The following TP63 variants were observed in gnomAD, a reference collection of about 807,000 sequenced individuals.
TP63 encodes the protein tumor protein 63.
A neutral mutation model predicts 82.8 loss-of-function variants in TP63; 17 were observed. That is an observed-to-expected ratio of 0.21 (90% confidence interval 0.14 to 0.31). The LOEUF is 0.31. TP63 is among the 10% of genes least tolerant of loss of function. The probability of loss-of-function intolerance (pLI) is 1.00; values close to 1 mark genes in which losing one functional copy is unlikely to be tolerated. For missense variants in TP63, 648 were observed against 895.3 expected (o/e 0.72, Z 3.52); for synonymous variants, 330 against 321.7 (o/e 1.03, Z -0.28).
At chr3:189,662,367 G>A (rs951080713) in intron 1 of TP63, among the ~76,000 whole-genome samples, 5 of 151,930 alleles carry the variant, frequency 3.3e-5, no homozygotes, top group Admixed American at 2.6e-4. Flanking sequence ...CATGTAAATT[G>A]CCTAGTTTTG....
chr3:189,726,861 A>G (rs1373163523), intron 1 of TP63, among the ~76,000 whole-genome samples: 1 of 152,238 alleles, frequency 6.6e-6, no homozygotes, highest in Non-Finnish European at 1.5e-5. Context: ...AAGGTCTTTT[A>G]TGTACATCAG....
intron 4 of TP63, among the ~76,000 whole-genome samples, chr3:189,847,394 A>T (rs955862990): frequency 2.0e-5 from 3 of 152,206 alleles, no homozygotes; most frequent in African/African-American, 7.2e-5. Flanking sequence ...CATCATCATT[A>T]TCATCAAATG....
At chr3:189,717,021 C>T (rs951480539) in intron 1 of TP63, among the ~76,000 whole-genome samples, 7 of 152,212 alleles carry the variant, frequency 4.6e-5, no homozygotes, top group African/African-American at 1.7e-4. Context: ...TGGTCTAGAA[C>T]TCCCAACCTC....
At chr3:189,798,008 C>T (rs1479810474) in intron 3 of TP63, among the ~76,000 whole-genome samples, 2 of 152,034 alleles carry the variant, frequency 1.3e-5, no homozygotes, top group Non-Finnish European at 2.9e-5. Context: ...TCTCTGTGTA[C>T]ACCAGATCCT....
intron 3 of TP63, among the ~76,000 whole-genome samples, chr3:189,801,968 C>T (rs1378625496): frequency 6.6e-6 from 1 of 152,148 alleles, no homozygotes; most frequent in African/African-American, 2.4e-5. Context: ...TACATAAATT[C>T]TTCGGTTGGA....
intron 1 of TP63, among the ~76,000 whole-genome samples, chr3:189,648,890 G>T (rs531724682): frequency 6.8e-6 from 1 of 147,332 alleles, no homozygotes; most frequent in Non-Finnish European, 1.5e-5. Context: ...CTGAAGGTTA[G>T]AGTGTTAATG....
chr3:189,784,408 A>C (rs538866924), intron 3 of TP63, among the ~76,000 whole-genome samples: 1 of 152,088 alleles, frequency 6.6e-6, no homozygotes, highest in South Asian at 2.1e-4. Context: ...GTGTTTGTAG[A>C]TTCCAGTCTC....
chr3:189,603,713 C>T, the TP63 span, among the ~76,000 whole-genome samples: 1 of 143,616 alleles, frequency 7.0e-6, no homozygotes, highest in Non-Finnish European at 1.5e-5. Context: ...TTTTTTCCTA[C>T]CCTCTGACTT....
At position 189,894,192 on chromosome 3, in the gene TP63, C is replaced by T. The variant is rs2108872742; in HGVS notation, c.1747-14C>T. On this transcript the variant is annotated splice_polypyrimidine_tract_variant and intron_variant, in intron 13 of 13. Coordinates refer to ENST00000264731, the MANE Select transcript of TP63 (RefSeq NM_003722.5). ...CTGTTTTCATTCTCCATGACACCTT[C>T]CCCTGTTGCACAGGATCTGGCAAGT... 1 of 1,614,132 alleles carries T rather than the reference C, an allele frequency of 6.2e-7. No homozygotes were observed. Among genetic ancestry groups the T allele is most frequent in the Non-Finnish European group, 8.5e-7 (1 of 1,180,008 alleles).
chr3:189,614,664 C>T, the TP63 span, among the ~76,000 whole-genome samples: 1 of 152,194 alleles, frequency 6.6e-6, no homozygotes, highest in East Asian at 1.9e-4. Flanking sequence ...TACTTCAATA[C>T]TGGATTCGGG....
chr3:189,675,560 A>G (rs1366407483), intron 1 of TP63, among the ~76,000 whole-genome samples: 4 of 152,170 alleles, frequency 2.6e-5, no homozygotes, highest in African/African-American at 9.6e-5. Flanking sequence ...TTTAGAGGTC[A>G]TAAATATTCC....
chr3:189,677,992 A>G lies in TP63; in HGVS notation c.62+46415A>G, dbSNP rs190997229. Among the ~76,000 whole-genome samples, 661 of 151,904 alleles carry G rather than the reference A, an allele frequency of 4.4e-3. 5 individuals carry two copies. The highest frequency in any genetic ancestry group is 6.1e-3 in the African/African-American group (252 of 41,468). On this transcript the variant is annotated intron_variant, in intron 1 of 13. Transcript: ENST00000264731. ...TGTTGGAGTTACTTGTAGATTTTGG[A>G]TATTATTCCTTTGTAGGATGCATGG...
chr3:189,697,635 A>G (rs2108733559), intron 1 of TP63, among the ~76,000 whole-genome samples: 1 of 152,206 alleles, frequency 6.6e-6, no homozygotes, highest in African/African-American at 2.4e-5. Context: ...GTATACATCA[A>G]GTTGGGAGGA....
Position 189,808,295 on chromosome 3 carries a change from C to T in TP63, c.348C>T (p.Leu116=), listed in dbSNP as rs1240364148. 1 of 1,614,188 alleles carries T rather than the reference C, an allele frequency of 6.2e-7. No individual in the cohort carries two copies. Among genetic ancestry groups the T allele is most frequent in the Non-Finnish European group, 8.5e-7 (1 of 1,180,046 alleles). The change falls in exon 4 of 14, where the codon CTC becomes CTT. Residue 116 remains leucine (L), a synonymous_variant. Transcript: ENST00000264731. ...AGCCACAGTACACGAACCTGGGGCTCCTGAACAGCATGGACCAGCAGATTC... is the reference window on the plus strand; with the variant it reads ...AGCCACAGTACACGAACCTGGGGCTTCTGAACAGCATGGACCAGCAGATTC... ...PMWPQYTNLG[L]LNSMDQQIQN... is the part of the protein sequence containing the mutation.
intron 3 of TP63, among the ~76,000 whole-genome samples, chr3:189,765,580 C>T (rs1722898974): frequency 6.6e-6 from 1 of 151,260 alleles, no homozygotes; most frequent in South Asian, 2.1e-4. Context: ...CTACAGGTGC[C>T]CACCAAACAT....
rs552388032 is a variant in TP63, at chr3:189,849,173, C to G, written c.580-15059C>G. On this transcript the variant is annotated intron_variant, in intron 4 of 13. Coordinates refer to ENST00000264731, the MANE Select transcript of TP63 (RefSeq NM_003722.5). ...GAAACTCTGCACCTCTCCCCCCATACCACTCCCTAGATGTCTCTTCATCTT... is the reference window on the plus strand; with the variant it reads ...GAAACTCTGCACCTCTCCCCCCATAGCACTCCCTAGATGTCTCTTCATCTT... Among the ~76,000 whole-genome samples the G allele has an allele frequency of 1.9e-4, 29 of 152,360 alleles. No individual in the cohort carries two copies. The East Asian group carries it at 5.6e-3, about 29-fold the overall frequency.
chr3:189,820,451 C>G (rs73199732), intron 4 of TP63, among the ~76,000 whole-genome samples: 21,155 of 152,166 alleles, frequency 0.14, 1,606 homozygotes, highest in Middle Eastern at 0.19. Flanking sequence ...TATAAGAATG[C>G]CTCTGGGAAC....
Position 189,716,038 on chromosome 3 carries a change from G to A in TP63, c.63-21702G>A, listed in dbSNP as rs138103733. On this transcript the variant is annotated intron_variant, in intron 1 of 13. Transcript: ENST00000264731. ...TATATACATCTCATTTACTCATACA[G>A]CGATATAGCACATTAAATATTTTTA... is the stretch of plus-strand genomic sequence containing the variant. 5.9e-5 allele frequency among the ~76,000 whole-genome samples: 9 copies of A among 152,284 alleles called. No individual in the cohort carries two copies. In the East Asian group the frequency reaches 1.7e-3, roughly 29 times the overall value.
intron 4 of TP63, chr3:189,844,216 G>A: frequency 2.5e-6 from 1 of 393,066 alleles, no homozygotes; most frequent in South Asian, 1.9e-5. Flanking sequence ...TTGTCTCCCA[G>A]GCTGGAGTGC....
Sources: gnomAD v4.1 joint callset for allele counts (sites outside exome capture counted in the v4.1 genomes callset) on GRCh38, gnomAD v4.1.1 for gene constraint, MANE v1.5 for transcripts, NCBI Gene and HGNC (gene_info 2026-07-23, HGNC 2026-07-21) for gene names.